The following FIRRM variants were observed in gnomAD, a reference collection of about 807,000 sequenced individuals.
FIRRM encodes the protein FIGNL1 interacting regulator of recombination and mitosis.
chr1:169,792,797 T>A, the FIRRM span: 1 of 1,613,332 alleles, frequency 6.2e-7, no homozygotes, highest in Admixed American at 1.7e-5. Flanking sequence ...ACTATAATAA[T>A]CTGGGTTGTA....
the FIRRM span, among the ~76,000 whole-genome samples, chr1:169,820,260 T>C: frequency 6.6e-6 from 1 of 152,152 alleles, no homozygotes; most frequent in Admixed American, 6.5e-5. Context: ...CAGGGAGGCC[T>C]GAGAAAGACC....
the FIRRM span, among the ~76,000 whole-genome samples, chr1:169,816,662 C>T: frequency 3.3e-5 from 5 of 152,096 alleles, no homozygotes; most frequent in African/African-American, 9.7e-5. Context: ...CTCTTGAGGT[C>T]CCAAGATAAC....
the FIRRM span, among the ~76,000 whole-genome samples, chr1:169,801,869 A>T: frequency 4.6e-5 from 7 of 152,284 alleles, no homozygotes; most frequent in East Asian, 1.2e-3. Context: ...TTGTACTCAT[A>T]GTCACTTGAT....
chr1:169,810,834 A>ATTTTTTT, the FIRRM span, among the ~76,000 whole-genome samples: 93 of 61,208 alleles, frequency 1.5e-3, 20 homozygotes, highest in African/African-American at 3.9e-3. Context: ...TTAGCCCCCA[A>ATTTTTTT]TTTTTTTTTT....
chr1:169,795,242 T>G, the FIRRM span: 6 of 1,528,982 alleles, frequency 3.9e-6, no homozygotes, highest in Non-Finnish European at 5.3e-6. Context: ...CACTTCTACC[T>G]AGAGAAGGGT....
the FIRRM span, among the ~76,000 whole-genome samples, chr1:169,800,174 C>T: frequency 1.3e-5 from 2 of 152,162 alleles, no homozygotes; most frequent in African/African-American, 2.4e-5. Context: ...GCTGAGACCG[C>T]AGGTGCGTGC....
chr1:169,842,446 A>T, the FIRRM span: 1 of 1,613,974 alleles, frequency 6.2e-7, no homozygotes. Context: ...TGCTTGCAGT[A>T]TGTAATTCTG....
At chr1:169,827,900 G>C in the FIRRM span, 1 of 1,550,904 alleles carries the variant, frequency 6.4e-7, no homozygotes, top group East Asian at 2.3e-5. Flanking sequence ...CTGTTGTTTG[G>C]AATGGTCTTG....
At chr1:169,853,785 A>T in the FIRRM span, 2 of 1,613,784 alleles carry the variant, frequency 1.2e-6, no homozygotes, top group Admixed American at 3.3e-5. Flanking sequence ...GCAACAAAAT[A>T]AAGCACACCA....
At chr1:169,830,826 A>T in the FIRRM span, 2 of 1,251,936 alleles carry the variant, frequency 1.6e-6, no homozygotes, top group South Asian at 2.4e-5. Context: ...AAGAATGTGA[A>T]TATCGGCGGG....
the FIRRM span, among the ~76,000 whole-genome samples, chr1:169,810,893 C>T: frequency 8.6e-6 from 1 of 116,878 alleles, no homozygotes; most frequent in Non-Finnish European, 1.7e-5. Context: ...CGCTCTGTCG[C>T]CCAGGCCGGA....
At chr1:169,819,003 T>C in the FIRRM span, among the ~76,000 whole-genome samples, 1 of 152,150 alleles carries the variant, frequency 6.6e-6, no homozygotes, top group Non-Finnish European at 1.5e-5. Flanking sequence ...AGTTTCTTAA[T>C]TGGATTACTG....
the FIRRM span, among the ~76,000 whole-genome samples, chr1:169,840,470 C>T: frequency 1.3e-5 from 2 of 150,936 alleles, no homozygotes; most frequent in African/African-American, 2.4e-5. Flanking sequence ...TAGGGGTGTG[C>T]GTGTATCTAC....
chr1:169,793,270 AG>A, the FIRRM span: 1 of 1,614,130 alleles, frequency 6.2e-7, no homozygotes, highest in Non-Finnish European at 8.5e-7. Flanking sequence ...TGTTTTCTCC[AG>A]GGAAGTTCTC....
chr1:169,841,342 T>C, the FIRRM span, among the ~76,000 whole-genome samples: 2 of 152,330 alleles, frequency 1.3e-5, no homozygotes, highest in African/African-American at 4.8e-5. Flanking sequence ...TGCTATTGAA[T>C]TTGGTTTGCT....
the FIRRM span, among the ~76,000 whole-genome samples, chr1:169,828,504 C>T: frequency 2.6e-5 from 4 of 152,080 alleles, no homozygotes; most frequent in African/African-American, 7.2e-5. Context: ...TGCTTTTACT[C>T]GTGCTTTTGT....
At chr1:169,827,189 C>T in the FIRRM span, 1 of 1,612,302 alleles carries the variant, frequency 6.2e-7, no homozygotes, top group Non-Finnish European at 8.5e-7. Context: ...TGGTTTTGGA[C>T]AGTAAATTAG....
chr1:169,785,628 T>A, the FIRRM span, among the ~76,000 whole-genome samples: 2 of 152,154 alleles, frequency 1.3e-5, no homozygotes, highest in African/African-American at 4.8e-5. Flanking sequence ...GCCATGCTGT[T>A]CTGCCGTTCA....
At chr1:169,848,675 T>C in the FIRRM span, among the ~76,000 whole-genome samples, 1 of 152,202 alleles carries the variant, frequency 6.6e-6, no homozygotes, top group African/African-American at 2.4e-5. Flanking sequence ...GACAAAAATA[T>C]CCAAAGACAC....
Sources: gnomAD v4.1 joint callset for allele counts (sites outside exome capture counted in the v4.1 genomes callset) on GRCh38, gnomAD v4.1.1 for gene constraint, MANE v1.5 for transcripts, NCBI Gene and HGNC (gene_info 2026-07-23, HGNC 2026-07-21) for gene names.